LRP1B: variants seen among roughly 807,000 people sequenced by gnomAD.
The protein encoded by LRP1B is low-density lipoprotein receptor-related protein 1B.
A neutral mutation model predicts 556.6 loss-of-function variants in LRP1B; 217 were observed. That is an observed-to-expected ratio of 0.39 (90% CI 0.35 to 0.44). The LOEUF (loss-of-function observed/expected upper bound fraction) is 0.44. Ranked by LOEUF, LRP1B falls within the 20% of genes least tolerant of loss-of-function variation. The pLI, the probability that LRP1B is intolerant of heterozygous loss-of-function variation, is 1.00. For synonymous variants in LRP1B, 2,047 were observed against 1,865.8 expected, an observed-to-expected ratio of 1.10 and a Z score of -2.50; for missense variants, 5,053 against 5,620.8, an observed-to-expected ratio of 0.90 and a Z score of 3.23.
chr2:141,828,293 T>C (rs529827021), intron 1 of LRP1B, among the ~76,000 whole-genome samples: 60 of 152,130 alleles, frequency 3.9e-4, no homozygotes, highest in Non-Finnish European at 7.9e-4. Flanking sequence ...AGGAAACACA[T>C]TTCTCTATCA....
intron 2 of LRP1B, among the ~76,000 whole-genome samples, chr2:141,498,438 A>G (rs1054224370): frequency 2.0e-5 from 3 of 151,392 alleles, no homozygotes; most frequent in Admixed American, 1.3e-4. Flanking sequence ...TCTCTTCAAG[A>G]CATTTTTTTT....
rs140698365 is a variant in LRP1B at position 140,499,449 on chromosome 2, C to T, written c.8850+2238G>A. Among the ~76,000 whole-genome samples, 62 of 151,952 alleles carry T rather than the reference C, an allele frequency of 4.1e-4. 1 individual carries two copies. The highest frequency in any genetic ancestry group is 1.5e-3 in the African/African-American group (61 of 41,532). ...ACACACACACACACATATACACACA[C>T]ACAGACACACTCAGCCATGCATCAG... is the stretch of plus-strand genomic sequence containing the variant. On this transcript the variant is annotated intron_variant, in intron 55 of 90. Transcript: ENST00000389484.
chr2:141,931,027 A>T (rs1235441200), intron 1 of LRP1B, among the ~76,000 whole-genome samples: 2 of 152,020 alleles, frequency 1.3e-5, no homozygotes, highest in Non-Finnish European at 2.9e-5. Context: ...TGCTTACATG[A>T]CCAATACACA....
intron 7 of LRP1B, among the ~76,000 whole-genome samples, chr2:141,077,916 G>C (rs1397427332): frequency 6.6e-6 from 1 of 151,454 alleles, no homozygotes; most frequent in East Asian, 1.9e-4. Flanking sequence ...TACTTGATTT[G>C]GGTAAAACTC....
chr2:141,896,059 T>C (rs572817621), intron 1 of LRP1B, among the ~76,000 whole-genome samples: 19 of 152,290 alleles, frequency 1.2e-4, no homozygotes, highest in African/African-American at 3.4e-4. Flanking sequence ...TATTTTCCCA[T>C]AGAAACAGTG....
At chr2:140,807,375 CT>C (rs1322527823) in intron 32 of LRP1B, among the ~76,000 whole-genome samples, 1 of 152,008 alleles carries the variant, frequency 6.6e-6, no homozygotes, top group East Asian at 1.9e-4. Context: ...GAGTCTCACT[CT>C]ATCACCCAGG....
At chr2:140,885,881 G>A (rs1416438223) in intron 24 of LRP1B, among the ~76,000 whole-genome samples, 1 of 124,992 alleles carries the variant, frequency 8.0e-6, no homozygotes, top group Non-Finnish European at 1.7e-5. Context: ...TTTTTTTCTT[G>A]TAAATGCATT....
At chr2:140,483,485 G>A (rs1159479594) in intron 59 of LRP1B, among the ~76,000 whole-genome samples, 1 of 150,404 alleles carries the variant, frequency 6.6e-6, no homozygotes, top group African/African-American at 2.4e-5. Context: ...AGAAAGTGAA[G>A]CATATTGAAT....
At chr2:141,381,776 A>C (rs1573880613) in intron 3 of LRP1B, among the ~76,000 whole-genome samples, 1 of 152,068 alleles carries the variant, frequency 6.6e-6, no homozygotes, top group African/African-American at 2.4e-5. Context: ...AAAACAAAAA[A>C]CCTGCCAGCA....
chr2:140,619,052 T>A (rs1032148100), intron 41 of LRP1B, among the ~76,000 whole-genome samples: 1 of 148,884 alleles, frequency 6.7e-6, no homozygotes, highest in Non-Finnish European at 1.5e-5. Context: ...TGATTTAGAA[T>A]CTGATGGTAT....
intron 27 of LRP1B, among the ~76,000 whole-genome samples, chr2:140,866,373 A>C (rs2105150453): frequency 6.6e-6 from 1 of 152,230 alleles, no homozygotes; most frequent in African/African-American, 2.4e-5. Context: ...CAAATTCAAT[A>C]TATCTACTAA....
chr2:140,396,397 G>C (rs943792683), intron 66 of LRP1B, among the ~76,000 whole-genome samples: 6 of 152,054 alleles, frequency 3.9e-5, no homozygotes, highest in Non-Finnish European at 5.9e-5. Context: ...CCATACAATT[G>C]CTCAATTCAC....
At chr2:142,123,170 T>C (rs560603702) in intron 1 of LRP1B, among the ~76,000 whole-genome samples, 2 of 152,170 alleles carry the variant, frequency 1.3e-5, no homozygotes, top group South Asian at 2.1e-4. Flanking sequence ...TCTTAAGATA[T>C]GCTAGGAACA....
rs1680943290 is a variant in LRP1B at position 140,333,940 on chromosome 2, T to G, written c.12223+513A>C. Among the ~76,000 whole-genome samples, 3 of 151,142 alleles carry G rather than the reference T, an allele frequency of 2.0e-5. No individual in the cohort carries two copies. The South Asian group carries it at 6.2e-4, about 31-fold the overall frequency. On this transcript the variant is annotated intron_variant, in intron 79 of 90. Coordinates refer to ENST00000389484, the MANE Select transcript of LRP1B (RefSeq NM_018557.3). Reference sequence around the variant, plus strand: ...AGATGCTTTGGAGTAGTAGCTTAGATGGCAAGGTGGCCAGGGAGATTAAAG... The same window carrying G: ...AGATGCTTTGGAGTAGTAGCTTAGAGGGCAAGGTGGCCAGGGAGATTAAAG...
intron 1 of LRP1B, among the ~76,000 whole-genome samples, chr2:141,861,821 G>A (rs1304959316): frequency 2.0e-5 from 3 of 151,824 alleles, no homozygotes; most frequent in Non-Finnish European, 4.4e-5. Flanking sequence ...TCCCAGTCAC[G>A]CTGGAGGCTG....
intron 32 of LRP1B, among the ~76,000 whole-genome samples, chr2:140,804,649 ATTTTTT>A (rs869167644): frequency 0.012 from 669 of 57,942 alleles, 8 homozygotes; most frequent in African/African-American, 0.034. Context: ...GTAAAAACTA[ATTTTTT>A]TTTTTTTTTT....
intron 2 of LRP1B, among the ~76,000 whole-genome samples, chr2:141,556,465 A>G (rs1159670730): frequency 6.6e-6 from 1 of 151,942 alleles, no homozygotes; most frequent in Admixed American, 6.6e-5. Flanking sequence ...AAAGTGGTAC[A>G]TTCACCATCT....
chr2:140,852,482 C>A (rs1322752160), intron 27 of LRP1B, among the ~76,000 whole-genome samples: 1 of 152,200 alleles, frequency 6.6e-6, no homozygotes, highest in Non-Finnish European at 1.5e-5. Context: ...TCTTAACCAA[C>A]CATGAAGGTT....
intron 3 of LRP1B, among the ~76,000 whole-genome samples, chr2:141,464,402 T>C (rs1257033472): frequency 6.7e-6 from 1 of 148,186 alleles, no homozygotes; most frequent in Non-Finnish European, 1.5e-5. Context: ...CTATCTGATA[T>C]GTTGTTTTTG....
Sources: allele counts gnomAD v4.1 joint callset (sites outside exome capture counted in the v4.1 genomes callset), GRCh38; gene constraint gnomAD v4.1.1; transcripts MANE v1.5; gene names NCBI Gene and HGNC (gene_info 2026-07-23, HGNC 2026-07-21).